The following CES5A variants were observed in gnomAD, a reference collection of about 807,000 sequenced individuals.
CES5A encodes carboxylesterase 5.
Under a neutral mutation model 62.9 loss-of-function variants are expected in CES5A, and 67 were observed. The observed-to-expected ratio is 1.07, with a 90% CI of 0.88 to 1.31. CES5A has a LOEUF of 1.31. Among genes scored for constraint, CES5A ranks in the 50% most tolerant of loss-of-function variants. The pLI, the probability that CES5A is intolerant of heterozygous loss-of-function variation, is 0.00. For synonymous variants in CES5A, 296 were observed against 280.8 expected (o/e 1.05, Z -0.54); for missense variants, 748 against 708.5 (o/e 1.06, Z -0.63).
intron 1 of CES5A, among the ~76,000 whole-genome samples, chr16:55,917,274 C>T (rs2142455652): frequency 6.6e-6 from 1 of 152,354 alleles, no homozygotes; most frequent in African/African-American, 2.4e-5. Context: ...TTACCTATTG[C>T]TGCCTCACAA....
chr16:55,941,806 A>G (rs1337752870), intron 2 of CES5A, among the ~76,000 whole-genome samples: 1 of 152,146 alleles, frequency 6.6e-6, no homozygotes, highest in Non-Finnish European at 1.5e-5. Flanking sequence ...GGGGTGATCA[A>G]ATCGTTCTAT....
chr16:55,887,053 G>A (rs909190789), intron 1 of CES5A, among the ~76,000 whole-genome samples: 1 of 152,104 alleles, frequency 6.6e-6, no homozygotes, highest in African/African-American at 2.4e-5. Context: ...CACGCTGCAG[G>A]GTTGGAATGT....
rs1159661324 is a variant in CES5A, at chr16:55,866,676, AAATAC to A, written c.552-565_552-561del. ...TCTCTGCTAAAAAAAAAAAAAAAAA[AAATAC>A]AAAAAAATTAGCTGGACACGGTGGC... On this transcript the variant is annotated intron_variant, in intron 4 of 12. Coordinates refer to ENST00000290567, the MANE Select transcript of CES5A (RefSeq NM_001143685.2). Among the ~76,000 whole-genome samples the A allele has an allele frequency of 3.0e-4, 41 of 138,620 alleles. 5 individuals are homozygous for A. Among genetic ancestry groups the A allele is most frequent in the Non-Finnish European group, 4.3e-4 (27 of 62,648 alleles). The allele number at this position is 138,620 out of a possible 152,430, so 90.9% of individuals were successfully genotyped here. A position where few individuals can be genotyped will look rare whatever the true frequency, so the allele number is the denominator to read the frequency against.
At chr16:55,865,903 T>C (rs1372506546) in intron 5 of CES5A, 60 bp downstream of exon 5, 3 of 1,572,058 alleles carry the variant, frequency 1.9e-6, no homozygotes, top group Non-Finnish European at 2.6e-6. Flanking sequence ...TAGTGACTCA[T>C]CATCATTTTT....
intron 1 of CES5A, among the ~76,000 whole-genome samples, chr16:55,901,309 C>G (rs1343300610): frequency 1.3e-5 from 1 of 75,280 alleles, no homozygotes; most frequent in Non-Finnish European, 2.9e-5. Flanking sequence ...AATTAAACCT[C>G]TTTCCTTTAT....
At chr16:55,885,024 A>G (rs1219630492) in intron 1 of CES5A, among the ~76,000 whole-genome samples, 2 of 152,044 alleles carry the variant, frequency 1.3e-5, no homozygotes, top group Non-Finnish European at 2.9e-5. Context: ...TCTTTCCCCA[A>G]GGCTGCCTTG....
At chr16:55,944,994 T>C (rs1286150042) in intron 2 of CES5A, among the ~76,000 whole-genome samples, 1 of 152,256 alleles carries the variant, frequency 6.6e-6, no homozygotes, top group Non-Finnish European at 1.5e-5. Context: ...ACTTGCTATA[T>C]GCGTGATTTG....
intron 1 of CES5A, among the ~76,000 whole-genome samples, chr16:55,891,156 G>A (rs1439147918): frequency 1.3e-5 from 2 of 152,008 alleles, no homozygotes; most frequent in African/African-American, 2.4e-5. Context: ...CTTTAAATTA[G>A]CCAATCAGAA....
chr16:55,938,454 C>T (rs2083776834), intron 2 of CES5A, among the ~76,000 whole-genome samples: 1 of 151,910 alleles, frequency 6.6e-6, no homozygotes, highest in African/African-American at 2.4e-5. Context: ...GACTAAGGAA[C>T]TTAAGGAAGA....
intron 9 of CES5A, 48 bp downstream of exon 9, chr16:55,856,329 G>A: frequency 6.4e-7 from 1 of 1,565,864 alleles, no homozygotes; most frequent in South Asian, 1.1e-5. Context: ...AGGGCTATCT[G>A]TTAAGTGCAT....
At chr16:55,892,416 G>A (rs1455490806) in intron 1 of CES5A, among the ~76,000 whole-genome samples, 5 of 152,054 alleles carry the variant, frequency 3.3e-5, no homozygotes, top group African/African-American at 4.8e-5. Flanking sequence ...CCTCCTGAGG[G>A]CTGTGTCACA....
intron 9 of CES5A, among the ~76,000 whole-genome samples, chr16:55,855,792 T>C (rs1370242873): frequency 2.0e-5 from 3 of 152,144 alleles, no homozygotes; most frequent in Non-Finnish European, 4.4e-5. Flanking sequence ...AGGTCGGGGA[T>C]TGTGGATTGG....
intron 3 of CES5A, 24 bp downstream of exon 3, chr16:55,871,601 G>T (rs748298244): frequency 6.2e-7 from 1 of 1,613,082 alleles, no homozygotes; most frequent in Non-Finnish European, 8.5e-7. Context: ...GCTAGAGCCC[G>T]AAGCACACAG....
chr16:55,919,398 G>T (rs1482309221), intron 1 of CES5A, among the ~76,000 whole-genome samples: 1 of 152,202 alleles, frequency 6.6e-6, no homozygotes, highest in East Asian at 1.9e-4. Context: ...GCTGGTTAAA[G>T]CCTGAGGTCT....
chr16:55,918,873 T>C (rs2034173192), intron 1 of CES5A, among the ~76,000 whole-genome samples: 1 of 152,202 alleles, frequency 6.6e-6, no homozygotes, highest in Non-Finnish European at 1.5e-5. Flanking sequence ...TCATGGTTCT[T>C]AGCAAACTTT....
Position 55,934,221 on chromosome 16 carries a change from G to A in CES5A, c.160+15564C>T, listed in dbSNP as rs112724580. 2.8e-3 allele frequency among the ~76,000 whole-genome samples: 427 copies of A among 152,124 alleles called. 2 individuals carry two copies. Among genetic ancestry groups the A allele is most frequent in the African/African-American group, 0.01 (415 of 41,486 alleles). On this transcript the variant is annotated intron_variant, in intron 2 of 13. Coordinates refer to the CES5A transcript ENST00000521992. ...TAATGTATTGTATAATTAATTATTT[G>A]TTATAGCTAGCATTATTGTTCTGCC...
In CES5A at chr16:55,856,385, T is replaced by G. The variant is rs2033243148; in HGVS notation, c.1117A>C (p.Asn373His). ...CCTCCCAAGCTACTCACCAGGATGT[T>G]TTGTATCAGATGGAGGGCAAGGGAC... ...NKSLALHLIQ[N>H]ILHIPPQYLH... Residue 373 changes from asparagine (N) to histidine (H), a missense_variant, in exon 9 of 13, where the codon AAC becomes CAC. By Grantham distance (68) the Asn-to-His change is moderately conservative. Coordinates refer to ENST00000290567, the MANE Select transcript of CES5A (RefSeq NM_001143685.2). The G allele has an allele frequency of 6.2e-7, 1 of 1,614,014 alleles. No homozygotes were observed. Among genetic ancestry groups the G allele is most frequent in the South Asian group, 1.1e-5 (1 of 91,074 alleles).
At position 55,861,449 on chromosome 16, in the gene CES5A, C is replaced by T. The variant is rs759862329; in HGVS notation, c.878G>A (p.Arg293Lys). The T allele has an allele frequency of 6.2e-6, 10 of 1,613,944 alleles. No homozygotes were observed. The highest frequency in any genetic ancestry group is 8.5e-6 in the Non-Finnish European group (10 of 1,179,848). The change falls in exon 7 of 13, where the codon AGG becomes AAG. Residue 293 changes from arginine (R) to lysine (K), a missense_variant. By Grantham distance (26) the Arg-to-Lys change is conservative. Transcript: ENST00000290567. ...SDSEALLRCL[R>K]TKPSKELLTL... Reference sequence around the variant, plus strand: ...CAGCAGCTCCTTGGAGGGTTTTGTCCTCAGGCACCTCAGCAGGGCCTCAGA... The same window carrying T: ...CAGCAGCTCCTTGGAGGGTTTTGTCTTCAGGCACCTCAGCAGGGCCTCAGA...
intron 1 of CES5A, among the ~76,000 whole-genome samples, chr16:55,892,436 C>G (rs2033890337): frequency 6.6e-6 from 1 of 152,132 alleles, no homozygotes; most frequent in East Asian, 1.9e-4. Flanking sequence ...AGGCCATGGT[C>G]ACTCATTTTT....
Sources: allele counts gnomAD v4.1 joint callset (sites outside exome capture counted in the v4.1 genomes callset), GRCh38; gene constraint gnomAD v4.1.1; transcripts MANE v1.5; gene names NCBI Gene and HGNC (gene_info 2026-07-23, HGNC 2026-07-21).